Variants in TRPM8 observed in about 807,000 individuals in gnomAD.
The protein encoded by TRPM8 is transient receptor potential cation channel subfamily M member 8, also known as TRPM8 cationic channel.
Under a neutral mutation model 133.7 loss-of-function variants are expected in TRPM8, and 110 were observed. That is an observed-to-expected ratio of 0.82 (90% CI 0.70 to 0.96). TRPM8 has a LOEUF of 0.96. Among genes scored for constraint, TRPM8 ranks in the 40% least tolerant of loss-of-function variants. The pLI, the probability that TRPM8 is intolerant of heterozygous loss-of-function variation, is 0.00. For synonymous variants in TRPM8, 535 were observed against 532.3 expected (o/e 1.01, Z -0.07); for missense variants, 1,291 against 1,379.5 (o/e 0.94, Z 1.02).
At chr2:233,991,159 G>A (rs1275134169) in intron 21 of TRPM8, among the ~76,000 whole-genome samples, 2 of 152,120 alleles carry the variant, frequency 1.3e-5, no homozygotes, top group African/African-American at 4.8e-5. Flanking sequence ...AATGTAGGCA[G>A]GGGCTAGGTT....
At chr2:233,969,942 G>A (rs752733089) in intron 16 of TRPM8, 135 bp downstream of exon 16, 1 of 745,426 alleles carries the variant, frequency 1.3e-6, no homozygotes, top group African/African-American at 1.8e-5. Flanking sequence ...TATGAATTTG[G>A]TCTTGTTTCT....
At position 233,996,474 on chromosome 2, in the gene TRPM8, A is replaced by G. The variant is rs753244830; in HGVS notation, c.3088A>G (p.Lys1030Glu). The G allele has an allele frequency of 4.3e-6, 7 of 1,614,070 alleles. No individual in the cohort carries two copies. The highest frequency in any genetic ancestry group is 4.2e-6 in the Non-Finnish European group (5 of 1,180,042). ...YFYMVVKKCF[K>E]CCCKEKNMES... Reference sequence around the variant, plus strand: ...CTACATGGTGGTGAAGAAGTGCTTCAAGTGTTGCTGCAAGGAGAAAAACAT... The same window carrying G: ...CTACATGGTGGTGAAGAAGTGCTTCGAGTGTTGCTGCAAGGAGAAAAACAT... Residue 1030 changes from lysine to glutamate, a missense_variant, in exon 22 of 26, where the codon AAG becomes GAG. By Grantham distance (56) the Lys-to-Glu change is moderately conservative. This residue lies in a region of TRPM8 where 328 missense variants were observed against 410.6 expected (regional missense o/e 0.80). Transcript: ENST00000324695.
chr2:234,009,533 C>T (rs1030842617), intron 24 of TRPM8, among the ~76,000 whole-genome samples: 4 of 152,164 alleles, frequency 2.6e-5, no homozygotes, highest in Non-Finnish European at 5.9e-5. Context: ...ATTGTGGATA[C>T]AGGACCAGCT....
intron 22 of TRPM8, among the ~76,000 whole-genome samples, chr2:234,006,552 A>G (rs1006795521): frequency 2.0e-5 from 3 of 152,262 alleles, no homozygotes; most frequent in African/African-American, 7.2e-5. Context: ...AACTAAATTC[A>G]TTAGTGGAAT....
At position 233,964,670 on chromosome 2, in the gene TRPM8, C is replaced by A; in HGVS notation, c.1792C>A (p.Leu598Met). 1.9e-6 allele frequency: 3 copies of A among 1,609,824 alleles called. No homozygotes were observed. The highest frequency in any genetic ancestry group is 1.1e-5 in the South Asian group (1 of 90,812). Residue 598 changes from leucine to methionine, a missense_variant, in exon 14 of 26, where the codon CTG becomes ATG. Physicochemically the swap from Leu to Met is conservative, Grantham distance 15. Around this residue, in one of 2 missense-constraint regions of TRPM8, gnomAD observed 963 missense variants for 968.9 expected, o/e 0.99. Coordinates refer to ENST00000324695, the MANE Select transcript of TRPM8 (RefSeq NM_024080.5). ...GGCAGCCCTGGGAGCCAGCAAGCTT[C>A]TGAAGACTCTGGCCAAAGTGAAGAA... ...TLAALGASKL[L>M]KTLAKVKNDI...
intron 22 of TRPM8, among the ~76,000 whole-genome samples, chr2:234,002,120 A>G (rs916766773): frequency 2.0e-5 from 3 of 151,724 alleles, no homozygotes; most frequent in Non-Finnish European, 2.9e-5. Context: ...TGCATCAGGG[A>G]AGATTTATGG....
At chr2:233,942,071 CTT>C (rs796852025) in intron 5 of TRPM8, among the ~76,000 whole-genome samples, 7 of 111,694 alleles carry the variant, frequency 6.3e-5, no homozygotes, top group Non-Finnish European at 5.2e-5. Flanking sequence ...GGTCAAGAAT[CTT>C]TTTTTTTTTT....
At chr2:233,974,297 G>A (rs1228971286) in intron 17 of TRPM8, among the ~76,000 whole-genome samples, 4 of 152,004 alleles carry the variant, frequency 2.6e-5, no homozygotes, top group Admixed American at 6.6e-5. Flanking sequence ...GCAATGGCGT[G>A]ATCTTGGCTC....
At chr2:233,951,863 G>A (rs1489200091) in intron 9 of TRPM8, among the ~76,000 whole-genome samples, 1 of 152,120 alleles carries the variant, frequency 6.6e-6, no homozygotes, top group Non-Finnish European at 1.5e-5. Context: ...ATACATTCAG[G>A]CAAATATTAA....
intron 2 of TRPM8, among the ~76,000 whole-genome samples, chr2:233,928,724 C>T (rs1691619887): frequency 1.3e-5 from 2 of 152,122 alleles, no homozygotes; most frequent in African/African-American, 4.8e-5. Flanking sequence ...GGTGAATTTC[C>T]AGCTTAAAAA....
In TRPM8 at chr2:233,953,938, T is replaced by C; in HGVS notation, c.1162T>C (p.Ser388Pro). Reference sequence around the variant, plus strand: ...CCAGCTCAAAGAAATTCTCGAATGTTCTCACCTATTAACAGTTATTAAAAT... The same window carrying C: ...CCAGCTCAAAGAAATTCTCGAATGTCCTCACCTATTAACAGTTATTAAAAT... ...IKWLKEILEC[S>P]HLLTVIKMEE... Residue 388 changes from serine (S) to proline (P), a missense_variant, in exon 10 of 26, where the codon TCT (serine) becomes CCT (proline). Physicochemically the swap from Ser to Pro is moderately conservative, Grantham distance 74. Transcript: ENST00000324695. 6.2e-7 allele frequency: 1 copy of C among 1,613,630 alleles called. No individual in the cohort carries two copies. The highest frequency in any genetic ancestry group is 8.5e-7 in the Non-Finnish European group (1 of 1,179,840).
At position 233,959,040 on chromosome 2, in the gene TRPM8, C is replaced by T. The variant is rs140646457; in HGVS notation, c.1363-1736C>T. 5.3e-3 allele frequency among the ~76,000 whole-genome samples: 640 copies of T among 119,826 alleles called. 9 individuals are homozygous for T. The highest frequency in any genetic ancestry group is 0.03 in the East Asian group (119 of 3,934). 78.6% of individuals were successfully genotyped at this position (119,826 alleles called of 152,430 possible). A position where few individuals can be genotyped will look rare whatever the true frequency, so the allele number is the denominator to read the frequency against. Reference sequence around the variant, plus strand: ...TTACTCTTTTCTTGGGGGGCGGGGGCGGGAGACAGAGTTTTGCTCTTGTCG... The same window carrying T: ...TTACTCTTTTCTTGGGGGGCGGGGGTGGGAGACAGAGTTTTGCTCTTGTCG... On this transcript the variant is annotated intron_variant, in intron 11 of 25. Transcript: ENST00000324695.
chr2:233,987,359 T>C (rs1351473983), intron 21 of TRPM8, among the ~76,000 whole-genome samples: 1 of 152,246 alleles, frequency 6.6e-6, no homozygotes, highest in African/African-American at 2.4e-5. Flanking sequence ...TATATACTTC[T>C]CTGGTTACAA....
At chr2:233,933,653 T>C (rs1691724611) in intron 3 of TRPM8, 1 of 152,288 alleles carries the variant, frequency 6.6e-6, no homozygotes, top group South Asian at 2.1e-4. Flanking sequence ...CAAGGTCACC[T>C]GTGACACACC....
At chr2:233,926,300 G>A (rs1185394891) in intron 1 of TRPM8, among the ~76,000 whole-genome samples, 1 of 152,192 alleles carries the variant, frequency 6.6e-6, no homozygotes, top group Non-Finnish European at 1.5e-5. Flanking sequence ...TCCTGACTCA[G>A]GGGTGAGGGG....
At chr2:233,930,801 C>A in intron 3 of TRPM8, 60 bp downstream of exon 3, 1 of 1,164,524 alleles carries the variant, frequency 8.6e-7, no homozygotes, top group Non-Finnish European at 1.3e-6. Flanking sequence ...ATCAGCCACC[C>A]TTACAACAAA....
intron 15 of TRPM8, among the ~76,000 whole-genome samples, chr2:233,967,303 C>G (rs746182818): frequency 6.6e-6 from 1 of 152,202 alleles, no homozygotes; most frequent in Non-Finnish European, 1.5e-5. Flanking sequence ...GTGAATGAAT[C>G]GTAGTTTGCA....
intron 3 of TRPM8, among the ~76,000 whole-genome samples, chr2:233,934,980 A>G (rs1336299654): frequency 2.6e-5 from 4 of 152,268 alleles, no homozygotes; most frequent in Non-Finnish European, 1.5e-5. Context: ...TAAGGTGAAC[A>G]GTAAAGAAGA....
intron 9 of TRPM8, among the ~76,000 whole-genome samples, chr2:233,951,234 A>AAAAAAC (rs1269754623): frequency 1.3e-5 from 2 of 152,230 alleles, no homozygotes; most frequent in Non-Finnish European, 2.9e-5. Context: ...CATCTCAGCA[A>AAAAAAC]AAAAACAAAA....
Sources: gnomAD v4.1 joint callset for allele counts (sites outside exome capture counted in the v4.1 genomes callset) on GRCh38, gnomAD v4.1.1 for gene constraint, gnomAD v4.1.1 regional missense constraint, MANE v1.5 for transcripts, NCBI Gene and HGNC (gene_info 2026-07-23, HGNC 2026-07-21) for gene names.